MRPL3: variants seen among roughly 807,000 people sequenced by gnomAD.
MRPL3 encodes the protein large ribosomal subunit protein uL3m.
MRPL3 carries 43 observed loss-of-function variants against 44.3 expected under a neutral mutation model. That is an observed-to-expected ratio of 0.97 (90% CI 0.76 to 1.25). The LOEUF is 1.25. Ranked by LOEUF, MRPL3 falls within the 50% of genes most tolerant of loss-of-function variation. MRPL3 has a pLI of 0.00. For synonymous variants in MRPL3, 171 were observed against 152.3 expected (o/e 1.12, Z -0.91); for missense variants, 406 against 427.6 (o/e 0.95, Z 0.45).
chr3:131,489,838 AAC>A (rs908363981), intron 5 of MRPL3, 141 bp downstream of exon 5: 168 of 532,404 alleles, frequency 3.2e-4, no homozygotes, highest in African/African-American at 2.5e-3. Flanking sequence ...AAAAAAAAAA[AAC>A]AAAATGAGAT....
At chr3:131,499,133 A>T (rs1319917826) in intron 3 of MRPL3, among the ~76,000 whole-genome samples, 1 of 152,202 alleles carries the variant, frequency 6.6e-6, no homozygotes, top group Non-Finnish European at 1.5e-5. Flanking sequence ...ATATAAATGG[A>T]ATCAGATTTT....
At chr3:131,465,082 AC>A (rs1159790754) in intron 9 of MRPL3, among the ~76,000 whole-genome samples, 12 of 152,244 alleles carry the variant, frequency 7.9e-5, no homozygotes, top group African/African-American at 2.9e-4. Flanking sequence ...TTATTTAAGC[AC>A]CATATTTCAA....
At chr3:131,498,096 T>G (rs199805054) in intron 4 of MRPL3, 83 bp downstream of exon 4, 173 of 1,003,028 alleles carry the variant, frequency 1.7e-4, no homozygotes, top group African/African-American at 3.2e-5. Context: ...TTTGTGGCTG[T>G]GGAACAATCT....
rs776018395 is a variant in MRPL3 at position 131,469,722 on chromosome 3, T to A, written c.790A>T (p.Ile264Leu). The change falls in exon 8 of 10, where the codon ATA becomes TTA. Residue 264 changes from isoleucine (I) to leucine (L), a missense_variant. By Grantham distance (5) the Ile-to-Leu change is conservative. Coordinates refer to ENST00000264995, the MANE Select transcript of MRPL3 (RefSeq NM_007208.4). ...GTKMPGKMGN[I>L]YRTEYGLKVW... ...TTCAGTCCATATTCTGTCCTGTATA[T>A]GTTTCCCATTTTTCCAGGCATTTTA... is the stretch of plus-strand genomic sequence containing the variant. 7.9e-5 allele frequency: 128 copies of A among 1,612,270 alleles called. No homozygotes were observed. The highest frequency in any genetic ancestry group is 1.0e-4 in the Non-Finnish European group (123 of 1,178,982).
chr3:131,500,365 T>C (rs1384033337), intron 3 of MRPL3, 65 bp downstream of exon 3: 1 of 1,303,876 alleles, frequency 7.7e-7, no homozygotes, highest in African/African-American at 1.5e-5. Context: ...TAGTTCTTGT[T>C]AAGGTTTGCA....
Position 131,468,588 on chromosome 3 carries a change from A to C in MRPL3, c.817-420T>G, listed in dbSNP as rs1162550894. ...GGGCTGAGTAGATGGTCCTCAAAAA[A>C]TCTTCATGTGGAGAAAAAACGTACA... On this transcript the variant is annotated intron_variant, in intron 8 of 9. Coordinates refer to ENST00000264995, the MANE Select transcript of MRPL3 (RefSeq NM_007208.4). 2.0e-5 allele frequency among the ~76,000 whole-genome samples: 3 copies of C among 152,232 alleles called. No homozygotes were observed. The South Asian group carries it at 6.2e-4, about 32-fold the overall frequency.
intron 7 of MRPL3, among the ~76,000 whole-genome samples, chr3:131,470,716 T>C (rs1483293992): frequency 6.6e-6 from 1 of 152,092 alleles, no homozygotes; most frequent in Non-Finnish European, 1.5e-5. Context: ...TATGCATACT[T>C]ATAGTTTGAA....
rs904789268 is a variant in MRPL3 at position 131,477,612 on chromosome 3, T to C, written c.630-6333A>G. On this transcript the variant is annotated intron_variant, in intron 6 of 9. Coordinates refer to ENST00000264995, the MANE Select transcript of MRPL3 (RefSeq NM_007208.4). ...GAACAATAATCAACTCAAGGCCTAT[T>C]TATTTTTTTCATCTGTTCCTCTCCT... 2.1e-4 allele frequency among the ~76,000 whole-genome samples: 32 copies of C among 152,172 alleles called. 1 individual carries two copies. The highest frequency in any genetic ancestry group is 4.4e-5 in the Non-Finnish European group (3 of 68,030).
chr3:131,495,494 T>A (rs1236453674), intron 4 of MRPL3, among the ~76,000 whole-genome samples: 1 of 152,104 alleles, frequency 6.6e-6, no homozygotes, highest in Non-Finnish European at 1.5e-5. Context: ...GCTAGAGAAG[T>A]GAAGTTTTCA....
intron 3 of MRPL3, 59 bp downstream of exon 3, chr3:131,500,371 T>A: frequency 7.3e-7 from 1 of 1,373,330 alleles, no homozygotes; most frequent in Non-Finnish European, 1.0e-6. Flanking sequence ...TTGTTAAGGT[T>A]TGCACAAACA....
intron 6 of MRPL3, among the ~76,000 whole-genome samples, chr3:131,472,981 A>C (rs1933773115): frequency 6.6e-6 from 1 of 152,200 alleles, no homozygotes; most frequent in South Asian, 2.1e-4. Flanking sequence ...AAACGGCCAT[A>C]CTATACAAAG....
Position 131,462,411 on chromosome 3 carries a change from T to G in MRPL3, c.*312A>C, listed in dbSNP as rs2110691593. On this transcript the variant is annotated 3_prime_UTR_variant, in exon 10 of 10. Transcript: ENST00000264995. ...TGACAAAACTTTAATAAAAGTTAAA[T>G]TTACAGACATCTTAAGATAACTTGG... The G allele has an allele frequency of 4.9e-6, 1 of 204,404 alleles. No individual in the cohort carries two copies. The highest frequency in any genetic ancestry group is 1.8e-3 in the Middle Eastern group (1 of 570). The allele number at this position is 204,404 out of a possible 1,614,324, so 12.7% of individuals were successfully genotyped here.
intron 6 of MRPL3, among the ~76,000 whole-genome samples, chr3:131,480,060 T>A (rs923195379): frequency 6.6e-6 from 1 of 152,230 alleles, no homozygotes; most frequent in African/African-American, 2.4e-5. Context: ...ACATATTACA[T>A]GTATATAAAA....
intron 6 of MRPL3, among the ~76,000 whole-genome samples, chr3:131,472,840 C>A (rs1366678988): frequency 2.0e-5 from 3 of 151,268 alleles, no homozygotes; most frequent in Admixed American, 6.6e-5. Context: ...AAAATAAATA[C>A]CCAGGAATAA....
intron 5 of MRPL3, 72 bp downstream of exon 5, chr3:131,489,909 G>T: frequency 2.4e-6 from 2 of 838,856 alleles, no homozygotes; most frequent in Non-Finnish European, 3.9e-6. Context: ...TAGCTTTATT[G>T]AAAGGGCTGA....
intron 3 of MRPL3, among the ~76,000 whole-genome samples, chr3:131,498,577 C>T (rs1934424498): frequency 6.6e-6 from 1 of 151,536 alleles, no homozygotes; most frequent in Non-Finnish European, 1.5e-5. Flanking sequence ...TGGTGGGCGC[C>T]TATAGTCCCA....
intron 3 of MRPL3, among the ~76,000 whole-genome samples, chr3:131,498,701 CAAAAAAAAAAA>C (rs71133698): frequency 1.2e-5 from 1 of 81,490 alleles, no homozygotes; most frequent in South Asian, 4.3e-4. Flanking sequence ...GACTCCGTCT[CAAAAAAAAAAA>C]AAAAAAAAAA....
At position 131,479,867 on chromosome 3, in the gene MRPL3, T is replaced by C. The variant is rs1453892813; in HGVS notation, c.629+7813A>G. ...CTCAAAAAAAAGAATTAAGATAAAA[T>C]CTTTTAACTGTGATAAAGTATTACT... On this transcript the variant is annotated intron_variant, in intron 6 of 9. Transcript: ENST00000264995. Among the ~76,000 whole-genome samples, 3 of 152,204 alleles carry C rather than the reference T, an allele frequency of 2.0e-5. 1 individual carries two copies. Among genetic ancestry groups the C allele is most frequent in the South Asian group, 4.1e-4 (2 of 4,822 alleles).
rs113006323 is a variant in MRPL3, at chr3:131,484,963, G to C, written c.629+2717C>G. Among the ~76,000 whole-genome samples, 899 of 152,206 alleles carry C rather than the reference G, an allele frequency of 5.9e-3. 12 individuals are homozygous for C. The highest frequency in any genetic ancestry group is 0.02 in the African/African-American group (839 of 41,528). On this transcript the variant is annotated intron_variant, in intron 6 of 9. Coordinates refer to ENST00000264995, the MANE Select transcript of MRPL3 (RefSeq NM_007208.4). The stretch of plus-strand genomic sequence containing the variant: ...TACAGTAAAAGTTAAACAGAATATT[G>C]TATTGTAGCCCATATAACAGTGGTG...
Sources: gnomAD v4.1 joint callset for allele counts (sites outside exome capture counted in the v4.1 genomes callset) on GRCh38, gnomAD v4.1.1 for gene constraint, MANE v1.5 for transcripts, NCBI Gene and HGNC (gene_info 2026-07-23, HGNC 2026-07-21) for gene names.